INPP4A: variants seen among roughly 807,000 people sequenced by gnomAD.
INPP4A encodes inositol polyphosphate-4-phosphatase type I A.
A neutral mutation model predicts 119.8 loss-of-function variants in INPP4A; 33 were observed. The ratio of observed to expected loss-of-function variants is 0.28; its 90% CI spans 0.21 to 0.37. The LOEUF (loss-of-function observed/expected upper bound fraction) is 0.37. Ranked by LOEUF, INPP4A falls within the 10% of genes least tolerant of loss-of-function variation. The pLI, the probability that INPP4A is intolerant of heterozygous loss-of-function variation, is 1.00. For synonymous variants in INPP4A, 496 were observed against 500.7 expected, an observed-to-expected ratio of 0.99 and a Z score of 0.12; for missense variants, 956 against 1,289.9, an observed-to-expected ratio of 0.74 and a Z score of 3.97.
rs991179726 is a variant in INPP4A, at chr2:98,462,646, C to T, written c.-166+17561C>T. ...GCTCAAGTGATCTTCCCACTTTAGCCTCCTGAGTAGCTGGGACTACAGGTG... is the reference window on the plus strand; with the variant it reads ...GCTCAAGTGATCTTCCCACTTTAGCTTCCTGAGTAGCTGGGACTACAGGTG... On this transcript the variant is annotated intron_variant, in intron 1 of 24. Transcript: ENST00000409851. Among the ~76,000 whole-genome samples, 51 of 151,574 alleles carry T rather than the reference C, an allele frequency of 3.4e-4. 1 individual carries two copies. The highest frequency in any genetic ancestry group is 2.1e-3 in the South Asian group (10 of 4,818).
At chr2:98,496,314 A>G (rs1376406026) in intron 1 of INPP4A, among the ~76,000 whole-genome samples, 3 of 152,210 alleles carry the variant, frequency 2.0e-5, no homozygotes, top group Admixed American at 6.5e-5. Flanking sequence ...AGAAAATGGG[A>G]TATCCACGTA....
intron 1 of INPP4A, among the ~76,000 whole-genome samples, chr2:98,449,589 A>G (rs970661875): frequency 1.3e-4 from 20 of 152,306 alleles, no homozygotes; most frequent in African/African-American, 4.8e-4. Context: ...GGAATCAGCC[A>G]TTTCTCCAAA....
At chr2:98,512,421 C>T (rs1478019167) in intron 1 of INPP4A, among the ~76,000 whole-genome samples, 1 of 152,204 alleles carries the variant, frequency 6.6e-6, no homozygotes, top group African/African-American at 2.4e-5. Context: ...CCATTTTCTG[C>T]TACTCCAACA....
intron 7 of INPP4A, among the ~76,000 whole-genome samples, chr2:98,536,698 G>T (rs1690346785): frequency 6.6e-6 from 1 of 152,174 alleles, no homozygotes; most frequent in Non-Finnish European, 1.5e-5. Flanking sequence ...CATTTTAGGG[G>T]CACTTCCCAC....
intron 1 of INPP4A, among the ~76,000 whole-genome samples, chr2:98,485,193 G>A (rs953539726): frequency 2.0e-5 from 3 of 152,190 alleles, no homozygotes; most frequent in African/African-American, 4.8e-5. Context: ...TTGCAGGCCC[G>A]TGGCTGCTGA....
chr2:98,474,280 C>T (rs1195257858), intron 1 of INPP4A, among the ~76,000 whole-genome samples: 4 of 152,204 alleles, frequency 2.6e-5, no homozygotes, highest in Non-Finnish European at 4.4e-5. Context: ...GAGGGCCACC[C>T]GCAGCCTTCC....
intron 4 of INPP4A, among the ~76,000 whole-genome samples, chr2:98,528,912 TAAAAATACAAAA>T (rs1466862725): frequency 6.6e-6 from 1 of 151,726 alleles, no homozygotes; most frequent in African/African-American, 2.4e-5. Context: ...CCATCTCTAC[TAAAAATACAAAA>T]AAAATTAGCT....
At chr2:98,555,839 G>A in intron 16 of INPP4A, 31 bp downstream of exon 16, 1 of 1,530,292 alleles carries the variant, frequency 6.5e-7, no homozygotes, top group Non-Finnish European at 8.8e-7. Flanking sequence ...CCCATATGCT[G>A]CCTCCATTTC....
chr2:98,527,067 A>G (rs1056058123), intron 4 of INPP4A, among the ~76,000 whole-genome samples: 4 of 152,186 alleles, frequency 2.6e-5, no homozygotes, highest in Non-Finnish European at 5.9e-5. Context: ...CATCCAAATC[A>G]TATCAAATGG....
At chr2:98,467,807 T>C (rs1675107995) in intron 1 of INPP4A, among the ~76,000 whole-genome samples, 1 of 152,210 alleles carries the variant, frequency 6.6e-6, no homozygotes, top group South Asian at 2.1e-4. Context: ...CTATTAGTTA[T>C]AGATAATTAT....
intron 9 of INPP4A, among the ~76,000 whole-genome samples, chr2:98,539,235 C>T (rs1411917900): frequency 6.6e-6 from 1 of 152,214 alleles, no homozygotes; most frequent in Non-Finnish European, 1.5e-5. Context: ...CTTCATCTCA[C>T]TCTTTTCTGT....
chr2:98,576,009 A>G (rs1379652074), intron 23 of INPP4A, among the ~76,000 whole-genome samples: 1 of 152,248 alleles, frequency 6.6e-6, no homozygotes, highest in Non-Finnish European at 1.5e-5. Context: ...CATGGTATAC[A>G]TACAGGATTT....
chr2:98,572,716 T>C (rs899448362), intron 22 of INPP4A, 99 bp from the exon 23 acceptor site: 24 of 722,044 alleles, frequency 3.3e-5, no homozygotes, highest in Non-Finnish European at 3.2e-5. Flanking sequence ...CTCATTGTTT[T>C]ACCACTGTGT....
intron 23 of INPP4A, among the ~76,000 whole-genome samples, chr2:98,576,749 T>A (rs1280832865): frequency 6.6e-6 from 1 of 152,208 alleles, no homozygotes; most frequent in Non-Finnish European, 1.5e-5. Context: ...GCAGGGATGA[T>A]GGCAGGCCTA....
rs539469307 is a variant in INPP4A at position 98,566,654 on chromosome 2, C to T, written c.2420+485C>T. ...GCAGGGATTGGCAGGTAAGGGTAGA[C>T]AGGCTCTGTGTGCCAGGCTGAGACT... On this transcript the variant is annotated intron_variant, in intron 21 of 24. Transcript: ENST00000409851. The surrounding 1 kb of genome is among the most constrained non-coding windows in gnomAD (Gnocchi z 4.2). 6.6e-6 allele frequency among the ~76,000 whole-genome samples: 1 copy of T among 152,248 alleles called. No homozygotes were observed. The highest frequency in any genetic ancestry group is 6.5e-5 in the Admixed American group (1 of 15,302).
chr2:98,465,590 C>A (rs1297785895), intron 1 of INPP4A, among the ~76,000 whole-genome samples: 1 of 152,124 alleles, frequency 6.6e-6, no homozygotes, highest in Non-Finnish European at 1.5e-5. Context: ...CCATACTGTC[C>A]CACATACAGT....
chr2:98,543,788 G>T, intron 10 of INPP4A, 89 bp from the exon 11 acceptor site: 1 of 1,513,810 alleles, frequency 6.6e-7, no homozygotes, highest in Non-Finnish European at 9.0e-7. Flanking sequence ...TACTTCCCCT[G>T]CAAATGCTGT....
At chr2:98,576,646 T>C (rs1038923551) in intron 23 of INPP4A, among the ~76,000 whole-genome samples, 11 of 152,206 alleles carry the variant, frequency 7.2e-5, no homozygotes, top group African/African-American at 2.7e-4. Flanking sequence ...AGTGAAGGGC[T>C]GAACGTGATA....
intron 1 of INPP4A, among the ~76,000 whole-genome samples, chr2:98,482,452 A>G (rs1678664284): frequency 2.0e-5 from 3 of 152,234 alleles, no homozygotes; most frequent in African/African-American, 7.2e-5. Flanking sequence ...GGGCAGTCTG[A>G]AGAAGAGTGG....
Sources: allele counts gnomAD v4.1 joint callset (sites outside exome capture counted in the v4.1 genomes callset), GRCh38; gene constraint gnomAD v4.1.1; non-coding constraint Gnocchi (gnomAD v3.1); transcripts MANE v1.5; gene names NCBI Gene and HGNC (gene_info 2026-07-23, HGNC 2026-07-21).